FRMD4A: variants seen among roughly 807,000 people sequenced by gnomAD.
The protein encoded by FRMD4A is FERM domain containing 4A, also known as FERM domain-containing protein 4A.
Under a neutral mutation model 129.1 loss-of-function variants are expected in FRMD4A, and 29 were observed. The observed-to-expected ratio is 0.22, with a 90% CI of 0.17 to 0.31. The LOEUF (loss-of-function observed/expected upper bound fraction) is 0.31, where lower values mean the gene tolerates loss of function less well. FRMD4A is among the 10% of genes least tolerant of loss of function. FRMD4A has a pLI of 1.00. For missense variants in FRMD4A, 1,272 were observed against 1,375.8 expected (o/e 0.92, Z 1.19); for synonymous variants, 634 against 571.6 (o/e 1.11, Z -1.56).
At chr10:14,153,649 C>A (rs1840451291) in intron 2 of FRMD4A, among the ~76,000 whole-genome samples, 1 of 152,116 alleles carries the variant, frequency 6.6e-6, no homozygotes, top group African/African-American at 2.4e-5. Flanking sequence ...GAAAAGGAAA[C>A]CGAGCTTAGG....
At chr10:13,754,567 CGTGTGTGTGTGTGTGTGT>C (rs56304219) in intron 8 of FRMD4A, among the ~76,000 whole-genome samples, 4 of 147,884 alleles carry the variant, frequency 2.7e-5, no homozygotes, top group African/African-American at 1.0e-4. Context: ...ACAATTCTTT[CGTGTGTGTGTGTGTGTGT>C]GTGTGTGTGT....
chr10:14,170,061 G>T (rs1048623619), intron 2 of FRMD4A, among the ~76,000 whole-genome samples: 1 of 152,194 alleles, frequency 6.6e-6, no homozygotes, highest in Non-Finnish European at 1.5e-5. Context: ...AGCAGATGTC[G>T]AATAATTCTA....
rs185951266 is a variant in FRMD4A, at chr10:13,899,073, G to C, written c.46-40161C>G. 4.6e-5 allele frequency among the ~76,000 whole-genome samples: 7 copies of C among 152,172 alleles called. No homozygotes were observed. The East Asian group carries it at 1.4e-3, about 29-fold the overall frequency. ...TGCACCTGTAGTCTCAGCTACTTGG[G>C]AGGATGCGGTGGGAGGATCACTTGA... On this transcript the variant is annotated intron_variant, in intron 2 of 24. Transcript: ENST00000357447.
intron 2 of FRMD4A, among the ~76,000 whole-genome samples, chr10:14,261,364 A>T (rs1844794129): frequency 6.6e-6 from 1 of 152,204 alleles, no homozygotes; most frequent in Non-Finnish European, 1.5e-5. Flanking sequence ...AAGTGTGCAG[A>T]ATTCCGTGGG....
Position 13,884,196 on chromosome 10 carries a change from T to TCACACACTCTCA in FRMD4A, c.46-25285_46-25284insTGAGAGTGTGTG, listed in dbSNP as rs2094588310. On this transcript the variant is annotated intron_variant, in intron 2 of 24. Transcript: ENST00000357447. ...CACACTCACACACACACACACACAC[T>TCACACACTCTCA]CACACACACACTCACACACACACAC... Among the ~76,000 whole-genome samples the TCACACACTCTCA allele has an allele frequency of 2.6e-3, 286 of 108,568 alleles. 2 individuals are homozygous for TCACACACTCTCA. The highest frequency in any genetic ancestry group is 9.8e-3 in the African/African-American group (272 of 27,872). The allele number at this position is 108,568 out of a possible 152,430, so 71.2% of individuals were successfully genotyped here. A position where few individuals can be genotyped will look rare whatever the true frequency, so the allele number is the denominator to read the frequency against.
At position 14,289,237 on chromosome 10, in the gene FRMD4A, G is replaced by A. The variant is rs544960974; in HGVS notation, c.45+40821C>T. Among the ~76,000 whole-genome samples the A allele has an allele frequency of 1.2e-3, 181 of 152,110 alleles. 2 individuals are homozygous for A. The highest frequency in any genetic ancestry group is 4.5e-3 in the Admixed American group (69 of 15,290). On this transcript the variant is annotated intron_variant, in intron 2 of 24. Transcript: ENST00000357447. ...TGCACAATTTTCTATTCCCACCAAC[G>A]GTGTACAAGGGCTCCAATTTATTCG...
chr10:14,095,632 C>A (rs1039464963), intron 2 of FRMD4A, among the ~76,000 whole-genome samples: 1 of 152,230 alleles, frequency 6.6e-6, no homozygotes, highest in South Asian at 2.1e-4. Flanking sequence ...TCACTGCATC[C>A]ATTTCTCCAA....
chr10:14,002,480 T>G (rs1325555413), intron 2 of FRMD4A, among the ~76,000 whole-genome samples: 1 of 152,198 alleles, frequency 6.6e-6, no homozygotes, highest in Non-Finnish European at 1.5e-5. Context: ...TGGAGGCTGT[T>G]CCAGTGTAGG....
rs562005245 is a variant in FRMD4A at position 13,806,071 on chromosome 10, G to A, written c.206+4743C>T. Among the ~76,000 whole-genome samples, 135 of 152,066 alleles carry A rather than the reference G, an allele frequency of 8.9e-4. No individual in the cohort carries two copies. In the Middle Eastern group the frequency reaches 0.014, roughly 15 times the overall value. On this transcript the variant is annotated intron_variant, in intron 4 of 24. Coordinates refer to ENST00000357447, the MANE Select transcript of FRMD4A (RefSeq NM_018027.5). ...CGGGGTTTTGCCATGTTGCCAGGGT[G>A]ATCTCGAACTCCTGACCTCAAGTTA...
intron 3 of FRMD4A, among the ~76,000 whole-genome samples, chr10:13,831,899 C>T (rs1454429500): frequency 6.6e-6 from 1 of 152,038 alleles, no homozygotes; most frequent in East Asian, 1.9e-4. Flanking sequence ...TGGACTCCTG[C>T]CTCTATCAGA....
rs11818658 is a variant in FRMD4A at position 14,030,928 on chromosome 10, A to C, written c.46-172016T>G. On this transcript the variant is annotated intron_variant, in intron 2 of 24. Transcript: ENST00000357447. Reference sequence around the variant, plus strand: ...CGCAGTCCCTGGCTCATGCACCCACAACCCCTGACCAGTCACAAGGATGAA... The same window carrying C: ...CGCAGTCCCTGGCTCATGCACCCACCACCCCTGACCAGTCACAAGGATGAA... 2.1e-3 allele frequency among the ~76,000 whole-genome samples: 325 copies of C among 152,264 alleles called. 1 individual carries two copies. Among genetic ancestry groups the C allele is most frequent in the African/African-American group, 7.4e-3 (307 of 41,554 alleles).
intron 2 of FRMD4A, among the ~76,000 whole-genome samples, chr10:14,178,792 G>A (rs1451493922): frequency 6.6e-6 from 1 of 151,824 alleles, no homozygotes; most frequent in Non-Finnish European, 1.5e-5. Flanking sequence ...AAAAAAAAAA[G>A]TCAATAAATA....
intron 2 of FRMD4A, among the ~76,000 whole-genome samples, chr10:13,969,018 G>A (rs1565134796): frequency 6.6e-6 from 1 of 152,326 alleles, no homozygotes; most frequent in East Asian, 1.9e-4. Flanking sequence ...AAACGGCCCT[G>A]GTTGGCAGTA....
At chr10:14,241,069 T>C (rs1844025249) in intron 2 of FRMD4A, among the ~76,000 whole-genome samples, 1 of 152,244 alleles carries the variant, frequency 6.6e-6, no homozygotes, top group Non-Finnish European at 1.5e-5. Flanking sequence ...ACCTCTGTTC[T>C]GTTGGCTATT....
chr10:13,774,513 C>T (rs1468776202), intron 6 of FRMD4A, among the ~76,000 whole-genome samples: 3 of 152,200 alleles, frequency 2.0e-5, no homozygotes, highest in African/African-American at 4.8e-5. Context: ...AGACTGTTCC[C>T]TCCCGATCCC....
At position 13,656,904 on chromosome 10, in the gene FRMD4A, G is replaced by A. The variant is rs2082202587; in HGVS notation, c.2685C>T (p.Arg895=). 8.7e-6 allele frequency: 13 copies of A among 1,487,496 alleles called. No individual in the cohort carries two copies. Among genetic ancestry groups the A allele is most frequent in the Non-Finnish European group, 1.2e-5 (13 of 1,125,780 alleles). 92.1% of individuals were successfully genotyped at this position (1,487,496 alleles called of 1,614,324 possible). The change falls in exon 22 of 25, where the codon CGC becomes CGT. Residue 895 remains arginine, a synonymous_variant. Coordinates refer to ENST00000357447, the MANE Select transcript of FRMD4A (RefSeq NM_018027.5). ...GGGGDEGDTG[R]LTPSRSQILR... ...GGATCTGCGATCGCGACGGCGTCAG[G>A]CGGCCCGTGTCGCCCTCGTCGCCGC...
chr10:14,196,320 G>C (rs890738265), intron 2 of FRMD4A, among the ~76,000 whole-genome samples: 1 of 152,122 alleles, frequency 6.6e-6, no homozygotes, highest in African/African-American at 2.4e-5. Flanking sequence ...ACCCTCCAAG[G>C]ACTGATCCCA....
chr10:13,997,379 A>T (rs1435527281), intron 2 of FRMD4A, among the ~76,000 whole-genome samples: 2 of 152,152 alleles, frequency 1.3e-5, no homozygotes, highest in African/African-American at 4.8e-5. Context: ...TAGGGTGAGT[A>T]AAAATTGTTC....
At chr10:13,868,831 TC>T (rs766579406) in intron 2 of FRMD4A, among the ~76,000 whole-genome samples, 2 of 152,030 alleles carry the variant, frequency 1.3e-5, no homozygotes, top group Non-Finnish European at 2.9e-5. Context: ...TGCAGGTGTG[TC>T]CTTCAGGTTC....
Sources: allele counts gnomAD v4.1 joint callset (sites outside exome capture counted in the v4.1 genomes callset), GRCh38; gene constraint gnomAD v4.1.1; transcripts MANE v1.5; gene names NCBI Gene and HGNC (gene_info 2026-07-23, HGNC 2026-07-21).